CCNYL1: variants seen among roughly 807,000 people sequenced by gnomAD.
CCNYL1 encodes the protein cyclin-Y-like protein 1.
Under a neutral mutation model 44.2 loss-of-function variants are expected in CCNYL1, and 16 were observed. That is an observed-to-expected ratio of 0.36 (90% CI 0.25 to 0.55). The LOEUF is 0.55. Among genes scored for constraint, CCNYL1 ranks in the 20% least tolerant of loss-of-function variants. The pLI, the probability that CCNYL1 is intolerant of heterozygous loss-of-function variation, is 0.85. For synonymous variants in CCNYL1, 159 were observed against 163.2 expected, an observed-to-expected ratio of 0.97 and a Z score of 0.20; for missense variants, 348 against 451.8, an observed-to-expected ratio of 0.77 and a Z score of 2.08.
intron 1 of CCNYL1, chr2:207,714,288 G>A (rs977369822): frequency 2.5e-5 from 10 of 395,286 alleles, no homozygotes; most frequent in Non-Finnish European, 3.9e-5. Context: ...TATTTTACAC[G>A]ATTCAGAGGC....
intron 3 of CCNYL1, among the ~76,000 whole-genome samples, chr2:207,728,088 C>G (rs1282528716): frequency 6.6e-6 from 1 of 151,898 alleles, no homozygotes; most frequent in Non-Finnish European, 1.5e-5. Flanking sequence ...GTCAGCCTCC[C>G]AAGTAGCTGG....
At chr2:207,749,153 A>T (rs1374160348) in intron 8 of CCNYL1, among the ~76,000 whole-genome samples, 1 of 152,200 alleles carries the variant, frequency 6.6e-6, no homozygotes, top group Non-Finnish European at 1.5e-5. Flanking sequence ...CTCCAAGAAG[A>T]CCAGTTCTAA....
intron 5 of CCNYL1, among the ~76,000 whole-genome samples, chr2:207,738,071 C>T (rs1486702308): frequency 6.6e-6 from 1 of 151,792 alleles, no homozygotes; most frequent in Non-Finnish European, 1.5e-5. Flanking sequence ...AGGTGTATTA[C>T]GTGGCTAATA....
chr2:207,723,749 C>T (rs988595090), intron 1 of CCNYL1, among the ~76,000 whole-genome samples: 4 of 151,924 alleles, frequency 2.6e-5, no homozygotes, highest in Non-Finnish European at 4.4e-5. Context: ...GTGGCAGGCA[C>T]CTGTAATCCC....
intron 7 of CCNYL1, among the ~76,000 whole-genome samples, chr2:207,746,335 G>A (rs551427516): frequency 2.6e-5 from 4 of 152,232 alleles, no homozygotes; most frequent in Non-Finnish European, 5.9e-5. Context: ...GTATTACTTG[G>A]GTTTTACATA....
intron 4 of CCNYL1, among the ~76,000 whole-genome samples, chr2:207,734,878 A>G (rs1006250715): frequency 1.3e-5 from 2 of 152,220 alleles, no homozygotes; most frequent in Non-Finnish European, 2.9e-5. Context: ...AATAGTTGAA[A>G]TCAAATTGTG....
intron 7 of CCNYL1, among the ~76,000 whole-genome samples, chr2:207,744,667 G>C (rs2091841497): frequency 6.6e-6 from 1 of 151,974 alleles, no homozygotes; most frequent in African/African-American, 2.4e-5. Flanking sequence ...ACTGCGCCTG[G>C]CCAGGAAGAA....
chr2:207,714,444 G>T (rs891259995), intron 1 of CCNYL1: 3 of 378,572 alleles, frequency 7.9e-6, no homozygotes, highest in African/African-American at 6.6e-5. Context: ...CCACGGGCGT[G>T]TGCCATCTTG....
chr2:207,725,390 G>T (rs2091672604), intron 2 of CCNYL1, among the ~76,000 whole-genome samples: 1 of 152,188 alleles, frequency 6.6e-6, no homozygotes, highest in Non-Finnish European at 1.5e-5. Flanking sequence ...CTCCCAAAGT[G>T]CTGGGATTAC....
At chr2:207,744,612 C>T (rs11887301) in intron 7 of CCNYL1, among the ~76,000 whole-genome samples, 58,902 of 151,298 alleles carry the variant, frequency 0.39, 11,936 homozygotes, top group Middle Eastern at 0.54. Flanking sequence ...TCAGGTGATC[C>T]GCCTACTTCG....
chr2:207,753,647 C>T lies in CCNYL1; in HGVS notation c.1029C>T (p.Phe343=), dbSNP rs779404615. The change falls in exon 10 of 10, where the codon TTC becomes TTT. Residue 343 remains phenylalanine, a synonymous_variant. Coordinates refer to ENST00000295414, the MANE Select transcript of CCNYL1 (RefSeq NM_001330218.2). ...GTAGAGCCGCTATGAGAAGGTCTTT[C>T]AGTGCTGATAACTTCATTGGTATTC... ...DLCRAAMRRS[F]SADNFIGIQR... 6.2e-7 allele frequency: 1 copy of T among 1,612,244 alleles called. No individual in the cohort carries two copies. Among genetic ancestry groups the T allele is most frequent in the Non-Finnish European group, 8.5e-7 (1 of 1,179,106 alleles).
In CCNYL1 at chr2:207,751,045, C is replaced by T. The variant is rs780723087; in HGVS notation, c.895C>T (p.Arg299Cys). 55 of 1,614,008 alleles carry T rather than the reference C, an allele frequency of 3.4e-5. No individual in the cohort carries two copies. The highest frequency in any genetic ancestry group is 4.4e-5 in the Non-Finnish European group (52 of 1,179,882). The change falls in exon 9 of 10, where the codon CGC becomes TGC. Residue 299 changes from arginine (R) to cysteine (C), a missense_variant. Arg to Cys is a radical substitution (Grantham distance 180). Around this residue, in one of 3 missense-constraint regions of CCNYL1, gnomAD observed 94 missense variants for 102.4 expected, o/e 0.92. Coordinates refer to ENST00000295414, the MANE Select transcript of CCNYL1 (RefSeq NM_001330218.2). ...SVYAKYYFDL[R>C]SLADDNNLNF... ...TTATGCCAAATACTACTTTGACCTTCGCTCCTTAGCAGATGACAACAACCT... is the reference window on the plus strand; with the variant it reads ...TTATGCCAAATACTACTTTGACCTTTGCTCCTTAGCAGATGACAACAACCT...
Position 207,740,742 on chromosome 2 carries a change from T to C in CCNYL1, c.519+36T>C, listed in dbSNP as rs1447711615. On this transcript the variant is annotated intron_variant, in intron 6 of 9. Transcript: ENST00000295414. ...CTTTTTTTGAGGTAGTATTTTTCTC[T>C]CATAGAGTTGTGTTTATTTCATGCT... The C allele has an allele frequency of 2.9e-6, 4 of 1,363,616 alleles. No individual in the cohort carries two copies. The South Asian group carries it at 4.8e-5, about 16-fold the overall frequency. The allele number at this position is 1,363,616 out of a possible 1,614,324, so 84.5% of individuals were successfully genotyped here. A position where few individuals can be genotyped will look rare whatever the true frequency, so the allele number is the denominator to read the frequency against.
At chr2:207,730,046 C>T (rs1234805513) in intron 3 of CCNYL1, among the ~76,000 whole-genome samples, 1 of 152,114 alleles carries the variant, frequency 6.6e-6, no homozygotes, top group East Asian at 1.9e-4. Context: ...TCAGTTTCTT[C>T]AGAGAAGAAT....
At chr2:207,716,437 CATTTT>C (rs1192987329) in intron 1 of CCNYL1, among the ~76,000 whole-genome samples, 1 of 148,120 alleles carries the variant, frequency 6.8e-6, no homozygotes, top group Non-Finnish European at 1.5e-5. Context: ...ATGAATATAA[CATTTT>C]ATTTTAGAAA....
intron 1 of CCNYL1, among the ~76,000 whole-genome samples, chr2:207,719,922 G>A (rs181658843): frequency 4.6e-5 from 7 of 152,150 alleles, no homozygotes; most frequent in African/African-American, 1.7e-4. Context: ...GTGTGGTGGT[G>A]GCTCATGCCT....
chr2:207,745,343 G>T (rs547565919), intron 7 of CCNYL1, among the ~76,000 whole-genome samples: 17 of 152,296 alleles, frequency 1.1e-4, no homozygotes, highest in Admixed American at 9.1e-4. Context: ...GGGAAGAAAA[G>T]AACTCTCACA....
At chr2:207,739,037 C>G (rs914934137) in intron 5 of CCNYL1, among the ~76,000 whole-genome samples, 1 of 151,958 alleles carries the variant, frequency 6.6e-6, no homozygotes, top group African/African-American at 2.4e-5. Context: ...CATTTCTTGA[C>G]AGTGGCAAAG....
chr2:207,737,410 G>A lies in CCNYL1; in HGVS notation c.432-1G>A. ...AAAATAATTTTTTTTTCCCTTCACAGTGTGACCTTAGCAATATATTACCAC... is the reference window on the plus strand; with the variant it reads ...AAAATAATTTTTTTTTCCCTTCACAATGTGACCTTAGCAATATATTACCAC... On this transcript the variant is annotated splice_acceptor_variant, in intron 4 of 9. Coordinates refer to ENST00000295414, the MANE Select transcript of CCNYL1 (RefSeq NM_001330218.2). LOFTEE classifies it high-confidence loss of function. 6.2e-7 allele frequency: 1 copy of A among 1,608,014 alleles called. No individual in the cohort carries two copies. The highest frequency in any genetic ancestry group is 2.2e-5 in the East Asian group (1 of 44,826).
Sources: allele counts gnomAD v4.1 joint callset (sites outside exome capture counted in the v4.1 genomes callset), GRCh38; gene constraint gnomAD v4.1.1; regional missense constraint gnomAD v4.1.1; transcripts MANE v1.5; gene names NCBI Gene and HGNC (gene_info 2026-07-23, HGNC 2026-07-21).